Variants in LRP1B observed in about 807,000 individuals in gnomAD.
LRP1B encodes the protein low-density lipoprotein receptor-related protein 1B.
A neutral mutation model predicts 556.6 loss-of-function variants in LRP1B; 217 were observed. That is an observed-to-expected ratio of 0.39 (90% CI 0.35 to 0.44). The LOEUF is 0.44. Ranked by LOEUF, LRP1B falls within the 20% of genes least tolerant of loss-of-function variation. The pLI is 1.00. For synonymous variants in LRP1B, 2,047 were observed against 1,865.8 expected (o/e 1.10, Z -2.50); for missense variants, 5,053 against 5,620.8 (o/e 0.90, Z 3.23).
intron 1 of LRP1B, among the ~76,000 whole-genome samples, chr2:141,953,001 G>A (rs1293977731): frequency 1.3e-5 from 2 of 152,004 alleles, no homozygotes; most frequent in Non-Finnish European, 1.5e-5. Flanking sequence ...TAACTCTAGA[G>A]GGTAGCAATT....
At chr2:141,908,227 T>A (rs560927260) in intron 1 of LRP1B, among the ~76,000 whole-genome samples, 1 of 152,198 alleles carries the variant, frequency 6.6e-6, no homozygotes, top group African/African-American at 2.4e-5. Context: ...TGTCATCATA[T>A]GGTCTGCCTT....
intron 1 of LRP1B, among the ~76,000 whole-genome samples, chr2:142,118,099 G>A (rs372878484): frequency 6.4e-4 from 98 of 152,148 alleles, no homozygotes; most frequent in African/African-American, 2.2e-3. Context: ...CAGAAGGGAA[G>A]AAAAAGGGCA....
chr2:141,644,078 A>C (rs966661220), intron 2 of LRP1B, among the ~76,000 whole-genome samples: 1 of 151,052 alleles, frequency 6.6e-6, no homozygotes, highest in Non-Finnish European at 1.5e-5. Context: ...CCTCAAAATT[A>C]TATGTCCAGG....
chr2:141,941,699 C>A (rs972454547), intron 1 of LRP1B, among the ~76,000 whole-genome samples: 1 of 152,122 alleles, frequency 6.6e-6, no homozygotes, highest in African/African-American at 2.4e-5. Context: ...GAGGGTAAAC[C>A]ATGAAGAGTC....
chr2:140,383,031 A>G (rs1295396571), intron 67 of LRP1B, among the ~76,000 whole-genome samples: 2 of 152,182 alleles, frequency 1.3e-5, no homozygotes, highest in Admixed American at 6.6e-5. Context: ...AGTAGTCTGT[A>G]CCATCTATGT....
chr2:140,732,249 G>A (rs1687804479), intron 35 of LRP1B, among the ~76,000 whole-genome samples: 1 of 151,778 alleles, frequency 6.6e-6, no homozygotes, highest in African/African-American at 2.4e-5. Flanking sequence ...TTGAAAGGAA[G>A]TCCACATTTT....
At chr2:140,720,743 C>T (rs1282273811) in intron 35 of LRP1B, among the ~76,000 whole-genome samples, 13 of 152,056 alleles carry the variant, frequency 8.5e-5, no homozygotes, top group South Asian at 2.1e-4. Context: ...CTCTACTCTA[C>T]GTTATTATGG....
At chr2:141,778,195 C>A (rs1007283614) in intron 2 of LRP1B, among the ~76,000 whole-genome samples, 1 of 152,066 alleles carries the variant, frequency 6.6e-6, no homozygotes, top group Non-Finnish European at 1.5e-5. Context: ...GGCAGAAATC[C>A]CACTAGGATG....
At chr2:141,483,011 G>A (rs1014795912) in intron 2 of LRP1B, among the ~76,000 whole-genome samples, 4 of 151,722 alleles carry the variant, frequency 2.6e-5, no homozygotes, top group Non-Finnish European at 4.4e-5. Context: ...TGTGCACAAC[G>A]TGCAGGCCCG....
At chr2:140,705,761 C>T (rs76514493) in intron 37 of LRP1B, among the ~76,000 whole-genome samples, 2,304 of 151,846 alleles carry the variant, frequency 0.015, 47 homozygotes, top group African/African-American at 0.051. Context: ...AATTCTTTTC[C>T]TGTGGAAAAC....
At position 140,233,102 on chromosome 2, in the gene LRP1B, C is replaced by A; in HGVS notation, c.*84G>T. 1.1e-6 allele frequency: 1 copy of A among 883,766 alleles called. No homozygotes were observed. The highest frequency in any genetic ancestry group is 1.6e-6 in the Non-Finnish European group (1 of 629,324). The allele number at this position is 883,766 out of a possible 1,614,324, so 54.7% of individuals were successfully genotyped here. A position where few individuals can be genotyped will look rare whatever the true frequency, so the allele number is the denominator to read the frequency against. On this transcript the variant is annotated 3_prime_UTR_variant, in exon 91 of 91. Transcript: ENST00000389484. ...ATAAAGAAAGAGGTAATGCTGATGC[C>A]AAAACAAGTATAATACTGTTGGAAC... is the stretch of plus-strand genomic sequence containing the variant.
intron 1 of LRP1B, among the ~76,000 whole-genome samples, chr2:141,965,653 G>A (rs1332994269): frequency 7.5e-6 from 1 of 134,028 alleles, no homozygotes; most frequent in Non-Finnish European, 1.6e-5. Flanking sequence ...GCTAGATGAC[G>A]AGTTAGTGGG....
At chr2:140,287,167 A>G (rs941788353) in intron 84 of LRP1B, among the ~76,000 whole-genome samples, 6 of 151,952 alleles carry the variant, frequency 3.9e-5, no homozygotes, top group Non-Finnish European at 8.8e-5. Context: ...TATACATCCA[A>G]CAAAATTCAA....
chr2:141,145,599 T>C (rs1701761740), intron 7 of LRP1B, among the ~76,000 whole-genome samples: 1 of 151,480 alleles, frequency 6.6e-6, no homozygotes, highest in Admixed American at 6.6e-5. Flanking sequence ...AATGGTGCAA[T>C]CTCAGCTCAC....
intron 32 of LRP1B, among the ~76,000 whole-genome samples, chr2:140,804,081 A>T (rs1055538635): frequency 6.6e-6 from 1 of 151,956 alleles, no homozygotes; most frequent in South Asian, 2.1e-4. Context: ...GAAAAAAAAA[A>T]ATCTGCACTT....
chr2:142,041,809 A>C (rs1704075942), intron 1 of LRP1B, among the ~76,000 whole-genome samples: 2 of 151,536 alleles, frequency 1.3e-5, no homozygotes, highest in Admixed American at 6.6e-5. Flanking sequence ...TTACTTTTGC[A>C]AAGGTATTAT....
chr2:140,633,767 T>C (rs1683977455), intron 41 of LRP1B, among the ~76,000 whole-genome samples: 1 of 152,140 alleles, frequency 6.6e-6, no homozygotes, highest in African/African-American at 2.4e-5. Flanking sequence ...CAAACTCATG[T>C]AGGGAAATAT....
At chr2:141,322,178 G>T (rs1050375555) in intron 3 of LRP1B, among the ~76,000 whole-genome samples, 2 of 152,066 alleles carry the variant, frequency 1.3e-5, no homozygotes, top group Admixed American at 6.6e-5. Context: ...CTTTGAGGCT[G>T]AGCCCTGAGT....
chr2:140,633,523 A>G (rs1683969445), intron 41 of LRP1B, among the ~76,000 whole-genome samples: 1 of 152,202 alleles, frequency 6.6e-6, no homozygotes, highest in South Asian at 2.1e-4. Flanking sequence ...AGAGTAAATC[A>G]ACAAAATCAA....
Sources: gnomAD v4.1 joint callset for allele counts (sites outside exome capture counted in the v4.1 genomes callset) on GRCh38, gnomAD v4.1.1 for gene constraint, MANE v1.5 for transcripts, NCBI Gene and HGNC (gene_info 2026-07-23, HGNC 2026-07-21) for gene names.